The following LLGL2 variants were observed in gnomAD, a reference collection of about 807,000 sequenced individuals.
LLGL2 encodes LLGL scribble cell polarity complex component 2, also known as LLGL2, scribble cell polarity complex component.
Under a neutral mutation model 123.2 loss-of-function variants are expected in LLGL2, and 81 were observed. The observed-to-expected ratio is 0.66, with a 90% CI of 0.55 to 0.79. LLGL2 has a LOEUF of 0.79. Among genes scored for constraint, LLGL2 ranks in the 30% least tolerant of loss-of-function variants. The probability of loss-of-function intolerance (pLI) is 0.00; values close to 1 mark genes in which losing one functional copy is unlikely to be tolerated. For synonymous variants in LLGL2, 577 were observed against 594.1 expected, an observed-to-expected ratio of 0.97 and a Z score of 0.42; for missense variants, 1,273 against 1,414.6, an observed-to-expected ratio of 0.90 and a Z score of 1.61.
intron 17 of LLGL2, 177 bp from the exon 18 acceptor site, chr17:75,571,478 CTCCCCTGCTGTA>C: frequency 1.7e-6 from 1 of 597,674 alleles, no homozygotes; most frequent in Non-Finnish European, 3.0e-6. Context: ...CTGGCTGGTT[CTCCCCTGCTGTA>C]TCACAGCAAG....
chr17:75,563,062 G>T lies in LLGL2; in HGVS notation c.577G>T (p.Ala193Ser). ...CCGGCGTGTGTTCGAGATGGTGGAG[G>T]CACTGCAGGAGCACCCTCGAGACCC... ...RHRRVFEMVE[A>S]LQEHPRDPNQ... The change falls in exon 7 of 26, where the codon GCA becomes TCA. Residue 193 changes from alanine to serine, a missense_variant. Coordinates refer to ENST00000392550, the MANE Select transcript of LLGL2 (RefSeq NM_001031803.2). 1.2e-6 allele frequency: 2 copies of T among 1,613,094 alleles called. No homozygotes were observed. Among genetic ancestry groups the T allele is most frequent in the Non-Finnish European group, 1.7e-6 (2 of 1,180,038 alleles).
chr17:75,561,772 A>T (rs1598606298), intron 6 of LLGL2, among the ~76,000 whole-genome samples: 1 of 152,086 alleles, frequency 6.6e-6, no homozygotes, highest in East Asian at 1.9e-4. Flanking sequence ...AGTATAAAAA[A>T]TTAGCCTGGC....
chr17:75,562,190 G>A (rs957527823), intron 6 of LLGL2: 5 of 152,146 alleles, frequency 3.3e-5, no homozygotes, highest in African/African-American at 7.2e-5. Flanking sequence ...GCCTGGAGAC[G>A]GGGCAGGGGT....
Position 75,563,815 on chromosome 17 carries a change from C to A in LLGL2, c.881+9C>A. On this transcript the variant is annotated intron_variant, in intron 9 of 25. Transcript: ENST00000392550. ...CTGACCACTAGGCAGGGGTAGGTAT[C>A]CATGCTGGTCCTCTTTCCTCTCCAG... 6.2e-7 allele frequency: 1 copy of A among 1,613,666 alleles called. No individual in the cohort carries two copies. Among genetic ancestry groups the A allele is most frequent in the Non-Finnish European group, 8.5e-7 (1 of 1,179,808 alleles).
At chr17:75,572,887 G>C in intron 19 of LLGL2, 127 bp from the exon 20 acceptor site, 3 of 1,132,228 alleles carry the variant, frequency 2.6e-6, no homozygotes, top group Non-Finnish European at 3.7e-6. Context: ...CCATGTCTGT[G>C]CATCTGAGAG....
chr17:75,557,915 G>C, intron 3 of LLGL2: 1 of 572,122 alleles, frequency 1.7e-6, no homozygotes, highest in South Asian at 1.8e-5. Flanking sequence ...CTATGGAGTT[G>C]CTCCCACCGG....
At position 75,574,732 on chromosome 17, in the gene LLGL2, C is replaced by T. The variant is rs775322395; in HGVS notation, c.3055+64C>T. ...TGGGAAGGGCTGGGAGGAAGAGCCC[C>T]GGCCCCACTCCCCTGGGTCCCACGG... On this transcript the variant is annotated intron_variant, in intron 25 of 25. Coordinates refer to ENST00000392550, the MANE Select transcript of LLGL2 (RefSeq NM_001031803.2). 1.7e-4 allele frequency: 268 copies of T among 1,595,376 alleles called. 1 individual carries two copies. Among genetic ancestry groups the T allele is most frequent in the Middle Eastern group, 1.5e-3 (9 of 6,020 alleles).
chr17:75,566,259 G>A (rs1326616261), intron 10 of LLGL2, among the ~76,000 whole-genome samples: 1 of 152,182 alleles, frequency 6.6e-6, no homozygotes, highest in Non-Finnish European at 1.5e-5. Context: ...TGGGGTTTGA[G>A]GGAGATGAGG....
intron 1 of LLGL2, among the ~76,000 whole-genome samples, chr17:75,537,249 G>T (rs985039933): frequency 1.3e-5 from 2 of 152,268 alleles, no homozygotes; most frequent in East Asian, 3.9e-4. Context: ...GCACATCAAG[G>T]CCAGGAGACA....
chr17:75,563,854 G>T, intron 9 of LLGL2, 48 bp downstream of exon 9: 1 of 1,574,116 alleles, frequency 6.4e-7, no homozygotes, highest in Non-Finnish European at 8.7e-7. Flanking sequence ...CTTCCTGGAG[G>T]GCTAGAAAGG....
At position 75,575,057 on chromosome 17, in the gene LLGL2, G is replaced by A. The variant is rs1445131415; in HGVS notation, c.*179G>A. On this transcript the variant is annotated 3_prime_UTR_variant, in exon 26 of 26. Transcript: ENST00000392550. ...AGGAGAGACCCCAGTCCCCTGGGCTGCCCTTCCCGGGCCTCGTCTGTCTGG... is the reference window on the plus strand; with the variant it reads ...AGGAGAGACCCCAGTCCCCTGGGCTACCCTTCCCGGGCCTCGTCTGTCTGG... 1.2e-6 allele frequency: 1 copy of A among 807,512 alleles called. No individual in the cohort carries two copies. Among genetic ancestry groups the A allele is most frequent in the Non-Finnish European group, 2.1e-6 (1 of 476,382 alleles). The allele number at this position is 807,512 out of a possible 1,614,324, so 50.0% of individuals were successfully genotyped here.
intron 1 of LLGL2, among the ~76,000 whole-genome samples, chr17:75,539,908 T>G (rs1388413360): frequency 6.6e-6 from 1 of 152,108 alleles, no homozygotes; most frequent in African/African-American, 2.4e-5. Context: ...TGCGGCTGGT[T>G]GGAAATCATC....
At chr17:75,548,470 A>G (rs1369416879) in intron 2 of LLGL2, among the ~76,000 whole-genome samples, 1 of 151,920 alleles carries the variant, frequency 6.6e-6, no homozygotes, top group East Asian at 1.9e-4. Flanking sequence ...AGCTACTCCC[A>G]TGTCTGCACT....
chr17:75,543,425 A>G lies in LLGL2; in HGVS notation c.-2A>G. On this transcript the variant is annotated 5_prime_UTR_variant, in exon 2 of 26. Coordinates refer to ENST00000392550, the MANE Select transcript of LLGL2 (RefSeq NM_001031803.2). ...TCCAGTGGGGGCTGCAGACTAAGCAAAATGAGGCGGTTCCTGAGGCCAGGG... is the reference window on the plus strand; with the variant it reads ...TCCAGTGGGGGCTGCAGACTAAGCAGAATGAGGCGGTTCCTGAGGCCAGGG... The G allele has an allele frequency of 6.2e-7, 1 of 1,607,054 alleles. No homozygotes were observed.
rs908632559 is a variant in LLGL2 at position 75,564,811 on chromosome 17, C to T, written c.1036+304C>T. The T allele has an allele frequency of 3.1e-6, 1 of 324,424 alleles. No homozygotes were observed. The highest frequency in any genetic ancestry group is 5.6e-6 in the Non-Finnish European group (1 of 177,858). 20.1% of individuals were successfully genotyped at this position (324,424 alleles called of 1,614,324 possible). ...CCTGGGAGGTGGAGGTTGCAGCGAA[C>T]CAGGATCATGCTACTGTACTCAGCC... On this transcript the variant is annotated intron_variant, in intron 10 of 25. Transcript: ENST00000392550. The surrounding 1 kb of genome is among the most constrained non-coding windows in gnomAD (Gnocchi z 4.9).
At chr17:75,530,408 T>A (rs1182115009) in intron 1 of LLGL2, among the ~76,000 whole-genome samples, 1 of 152,034 alleles carries the variant, frequency 6.6e-6, no homozygotes, top group African/African-American at 2.4e-5. Context: ...TCCAGCACTT[T>A]GGGAGGCCGA....
chr17:75,530,877 G>A (rs2053761127), intron 1 of LLGL2, among the ~76,000 whole-genome samples: 1 of 152,204 alleles, frequency 6.6e-6, no homozygotes, highest in Non-Finnish European at 1.5e-5. Context: ...GGAATTGAGG[G>A]CAGCAGTGGA....
rs2055074543 is a variant in LLGL2 at position 75,559,012 on chromosome 17, T to C, written c.372-240T>C. On this transcript the variant is annotated intron_variant, in intron 5 of 25. Coordinates refer to ENST00000392550, the MANE Select transcript of LLGL2 (RefSeq NM_001031803.2). The surrounding 1 kb of genome is among the most constrained non-coding windows in gnomAD (Gnocchi z 4.6). The stretch of plus-strand genomic sequence containing the variant: ...CCTCCTCCATCTGCACCCCGCCTCC[T>C]CCATCCGCACCCCGTGTTATGCTGG... The C allele has an allele frequency of 1.2e-5, 7 of 589,696 alleles. No individual in the cohort carries two copies. In the Admixed American group the frequency reaches 2.1e-4, roughly 18 times the overall value. The allele number at this position is 589,696 out of a possible 1,614,324, so 36.5% of individuals were successfully genotyped here.
chr17:75,574,305 A>AGGGGGGGGGGGAG, intron 23 of LLGL2, 45 bp downstream of exon 23: 1 of 555,118 alleles, frequency 1.8e-6, no homozygotes, highest in Admixed American at 3.5e-5. Context: ...GGGGTGGGGA[A>AGGGGGGGGGGGAG]GGGGGGTCAG....
Sources: gnomAD v4.1 joint callset for allele counts (sites outside exome capture counted in the v4.1 genomes callset) on GRCh38, gnomAD v4.1.1 for gene constraint, Gnocchi (gnomAD v3.1) non-coding constraint, MANE v1.5 for transcripts, NCBI Gene and HGNC (gene_info 2026-07-23, HGNC 2026-07-21) for gene names.